USP40: variants seen among roughly 807,000 people sequenced by gnomAD.
USP40 encodes ubiquitin specific peptidase 40, also known as ubiquitin carboxyl-terminal hydrolase 40.
Under a neutral mutation model 166.2 loss-of-function variants are expected in USP40, and 143 were observed. The observed-to-expected ratio is 0.86, with a 90% CI of 0.75 to 0.99. The LOEUF is 0.99. Among genes scored for constraint, USP40 ranks in the 50% least tolerant of loss-of-function variants. The pLI is 0.00. For synonymous variants in USP40, 498 were observed against 524.0 expected, an observed-to-expected ratio of 0.95 and a Z score of 0.68; for missense variants, 1,444 against 1,479.7, an observed-to-expected ratio of 0.98 and a Z score of 0.40.
chr2:233,517,621 T>G (rs1294966652), intron 18 of USP40, among the ~76,000 whole-genome samples: 1 of 152,156 alleles, frequency 6.6e-6, no homozygotes, highest in South Asian at 2.1e-4. Context: ...TCTCCTGACC[T>G]TGTGGTCTCC....
At chr2:233,516,506 G>A (rs1390792515) in intron 18 of USP40, among the ~76,000 whole-genome samples, 1 of 152,002 alleles carries the variant, frequency 6.6e-6, no homozygotes, top group Non-Finnish European at 1.5e-5. Flanking sequence ...GACCATCCTG[G>A]CTAACACGGT....
intron 8 of USP40, among the ~76,000 whole-genome samples, chr2:233,543,127 C>A (rs188696302): frequency 1.6e-4 from 24 of 152,220 alleles, no homozygotes; most frequent in Admixed American, 3.9e-4. Flanking sequence ...TGTCAAAATT[C>A]CCCGGTAAGT....
intron 24 of USP40, among the ~76,000 whole-genome samples, chr2:233,494,960 A>ATATATATATT (rs2065636896): frequency 3.2e-4 from 20 of 61,748 alleles, no homozygotes; most frequent in African/African-American, 1.6e-3. Context: ...ATATATTTAT[A>ATATATATATT]TATATATATA....
intron 24 of USP40, among the ~76,000 whole-genome samples, chr2:233,495,664 C>G (rs1290537318): frequency 3.3e-5 from 5 of 152,098 alleles, no homozygotes; most frequent in Admixed American, 3.3e-4. Context: ...TATTAAAAAG[C>G]AAAGGCCTTT....
intron 27 of USP40, among the ~76,000 whole-genome samples, chr2:233,488,851 G>C (rs909132120): frequency 1.3e-5 from 2 of 152,196 alleles, no homozygotes; most frequent in Middle Eastern, 3.4e-3. Context: ...GGCTGTAGTT[G>C]AGCCATGATC....
chr2:233,485,484 A>T (rs956739264), intron 30 of USP40, 47 bp downstream of exon 30: 7 of 1,406,138 alleles, frequency 5.0e-6, no homozygotes, highest in Non-Finnish European at 6.0e-6. Context: ...AAATCATGTG[A>T]CCCTCGTGTC....
chr2:233,485,794 C>T lies in USP40; in HGVS notation c.3381G>A (p.Lys1127=), dbSNP rs771559959. Residue 1127 remains lysine, a synonymous_variant, in exon 29 of 32, where the codon AAG becomes AAA. Coordinates refer to ENST00000678225, the MANE Select transcript of USP40 (RefSeq NM_001365479.2). ...AGCTAGATATCGGAAGCCACTCGAA[C>T]TTTTCGGGAAAGTATTTGGCAATTT... ...KIEIAKYFPE[K]FEWLPISSWN... is the part of the protein sequence containing the mutation. 3.1e-6 allele frequency: 5 copies of T among 1,612,488 alleles called. No individual in the cohort carries two copies. Among genetic ancestry groups the T allele is most frequent in the Non-Finnish European group, 4.2e-6 (5 of 1,179,460 alleles).
intron 24 of USP40, among the ~76,000 whole-genome samples, chr2:233,496,002 T>G (rs2065729565): frequency 6.6e-6 from 1 of 152,222 alleles, no homozygotes; most frequent in African/African-American, 2.4e-5. Context: ...ATATTTGCCT[T>G]CAGCAAACAA....
chr2:233,541,437 A>AG lies in USP40; in HGVS notation c.1063-669dup, dbSNP rs149868256. On this transcript the variant is annotated intron_variant, in intron 9 of 31. Transcript: ENST00000678225. ...CAGAAGAAACACCATGTGAGGACAC[A>AG]GGAAGAAGACGGCCATCTGCAAGCC... Among the ~76,000 whole-genome samples the AG allele has an allele frequency of 8.8e-3, 1,335 of 152,362 alleles. 9 individuals are homozygous for AG. The highest frequency in any genetic ancestry group is 0.014 in the Non-Finnish European group (936 of 68,038).
At position 233,554,526 on chromosome 2, in the gene USP40, C is replaced by G; in HGVS notation, c.547G>C (p.Glu183Gln). 6.2e-7 allele frequency: 1 copy of G among 1,600,200 alleles called. No homozygotes were observed. Among genetic ancestry groups the G allele is most frequent in the Non-Finnish European group, 8.5e-7 (1 of 1,175,048 alleles). The change falls in exon 6 of 32, where the codon GAA becomes CAA. Residue 183 changes from glutamate to glutamine, a missense_variant and splice_region_variant. Coordinates refer to ENST00000678225, the MANE Select transcript of USP40 (RefSeq NM_001365479.2). The part of the protein sequence containing the change: ...KECKNVSERQ[E>Q]DFLDLTVAVK... ...GCTACTGTTAGATCTAAGAAGTCTT[C>G]CTGAAATAGACATGAATATAATATT...
intron 18 of USP40, among the ~76,000 whole-genome samples, chr2:233,514,096 G>A (rs922790499): frequency 5.9e-5 from 9 of 152,174 alleles, no homozygotes; most frequent in Admixed American, 5.9e-4. Context: ...AAAATCTGTT[G>A]GTTTTCACTG....
intron 7 of USP40, among the ~76,000 whole-genome samples, chr2:233,549,809 G>A (rs2070385668): frequency 6.6e-6 from 1 of 151,868 alleles, no homozygotes; most frequent in South Asian, 2.1e-4. Flanking sequence ...TTTGTTTAGA[G>A]GCAGTTTAGT....
intron 8 of USP40, chr2:233,542,599 G>C: frequency 2.7e-6 from 1 of 363,784 alleles, no homozygotes; most frequent in Middle Eastern, 7.3e-4. Flanking sequence ...GACTGCTTGA[G>C]CCCAGGAGGT....
intron 10 of USP40, among the ~76,000 whole-genome samples, chr2:233,539,714 T>C (rs1245617230): frequency 6.6e-6 from 1 of 151,238 alleles, no homozygotes; most frequent in East Asian, 1.9e-4. Flanking sequence ...AAAACTGAGT[T>C]ACCAACCCAA....
At chr2:233,558,143 T>A (rs2071266433) in intron 4 of USP40, among the ~76,000 whole-genome samples, 1 of 151,724 alleles carries the variant, frequency 6.6e-6, no homozygotes, top group African/African-American at 2.4e-5. Context: ...TATGATGGGA[T>A]AGAAAACTTG....
intron 30 of USP40, 85 bp downstream of exon 30, chr2:233,485,446 C>A: frequency 9.5e-7 from 1 of 1,054,882 alleles, no homozygotes; most frequent in South Asian, 1.5e-5. Context: ...TAATCTGTGT[C>A]TTGAAGATTC....
chr2:233,518,251 T>TA (rs1156279626), intron 18 of USP40, among the ~76,000 whole-genome samples: 1,012 of 49,824 alleles, frequency 0.02, 105 homozygotes, highest in African/African-American at 0.04. Flanking sequence ...TAACAGATTC[T>TA]AAAAAAAAAA....
intron 15 of USP40, 41 bp downstream of exon 15, chr2:233,524,451 T>A (rs1157345892): frequency 6.4e-7 from 1 of 1,570,296 alleles, no homozygotes; most frequent in South Asian, 1.2e-5. Flanking sequence ...TTTTAAAACA[T>A]CCAAAATTAT....
intron 9 of USP40, among the ~76,000 whole-genome samples, chr2:233,541,048 A>G (rs1190033180): frequency 6.6e-6 from 1 of 152,228 alleles, no homozygotes; most frequent in Non-Finnish European, 1.5e-5. Context: ...CCCAACATTA[A>G]AAAGGAATTT....
Sources: gnomAD v4.1 joint callset for allele counts (sites outside exome capture counted in the v4.1 genomes callset) on GRCh38, gnomAD v4.1.1 for gene constraint, MANE v1.5 for transcripts, NCBI Gene and HGNC (gene_info 2026-07-23, HGNC 2026-07-21) for gene names.